FRMD4A: variants seen among roughly 807,000 people sequenced by gnomAD.
The protein encoded by FRMD4A is FERM domain containing 4A.
In FRMD4A, 29 loss-of-function variants were observed where a neutral mutation model predicts 129.1. That is an observed-to-expected ratio of 0.22 (90% CI 0.17 to 0.31). The LOEUF (loss-of-function observed/expected upper bound fraction) is 0.31, where lower values mean the gene tolerates loss of function less well. Among genes scored for constraint, FRMD4A ranks in the 10% least tolerant of loss-of-function variants. FRMD4A has a pLI of 1.00. For missense variants in FRMD4A, 1,272 were observed against 1,375.8 expected (o/e 0.92, Z 1.19); for synonymous variants, 634 against 571.6 (o/e 1.11, Z -1.56).
rs186269852 is a variant in FRMD4A at position 13,753,845 on chromosome 10, G to A, written c.465-6026C>T. ...TAGGCGTGAGCCACAGTGTCTGGCA[G>A]TGCCTTTATTTCTGTTGCTAATTGT... On this transcript the variant is annotated intron_variant, in intron 8 of 24. Transcript: ENST00000357447. Among the ~76,000 whole-genome samples, 268 of 152,206 alleles carry A rather than the reference G, an allele frequency of 1.8e-3. 1 individual carries two copies. Among genetic ancestry groups the A allele is most frequent in the African/African-American group, 5.6e-3 (232 of 41,544 alleles).
intron 6 of FRMD4A, among the ~76,000 whole-genome samples, chr10:13,773,457 C>A (rs564488809): frequency 1.3e-5 from 2 of 152,320 alleles, no homozygotes; most frequent in South Asian, 2.1e-4. Context: ...AATCAAGGAA[C>A]TATCAAAGTA....
intron 12 of FRMD4A, among the ~76,000 whole-genome samples, chr10:13,708,978 T>G (rs76234084): frequency 6.6e-6 from 1 of 152,252 alleles, no homozygotes; most frequent in South Asian, 2.1e-4. Context: ...ACTTTTTTTT[T>G]CTGAGACAGA....
In FRMD4A at chr10:13,719,218, C is replaced by CAGTT. The variant is rs2089173827; in HGVS notation, c.760-12109_760-12106dup. Among the ~76,000 whole-genome samples, 4 of 152,218 alleles carry CAGTT rather than the reference C, an allele frequency of 2.6e-5. No individual in the cohort carries two copies. The South Asian group carries it at 8.3e-4, about 32-fold the overall frequency. On this transcript the variant is annotated intron_variant, in intron 12 of 24. Coordinates refer to ENST00000357447, the MANE Select transcript of FRMD4A (RefSeq NM_018027.5). ...AAGGGATGCGATAATAGGGAAATGG[C>CAGTT]AGTTAGAGTCAGCTCAAGGAGGGAC...
chr10:13,773,339 G>A (rs757281402), intron 6 of FRMD4A, among the ~76,000 whole-genome samples: 9 of 152,114 alleles, frequency 5.9e-5, no homozygotes, highest in South Asian at 2.1e-4. Flanking sequence ...CTTGCAAACC[G>A]GTACTGCCAA....
At chr10:14,065,404 C>T (rs1835008781) in intron 2 of FRMD4A, among the ~76,000 whole-genome samples, 2 of 152,164 alleles carry the variant, frequency 1.3e-5, no homozygotes, top group South Asian at 4.1e-4. Flanking sequence ...AGGCTGGTTT[C>T]AAACTCCTGA....
Position 14,181,633 on chromosome 10 carries a change from C to T in FRMD4A, c.45+148425G>A, listed in dbSNP as rs550220261. Among the ~76,000 whole-genome samples the T allele has an allele frequency of 1.7e-4, 26 of 152,250 alleles. No individual in the cohort carries two copies. In the East Asian group the frequency reaches 4.6e-3, roughly 27 times the overall value. On this transcript the variant is annotated intron_variant, in intron 2 of 24. Coordinates refer to ENST00000357447, the MANE Select transcript of FRMD4A (RefSeq NM_018027.5). ...TAATTTTTGACAAATAAAAATTGCA[C>T]ATATTTCTGGTATAAAACACTATGT...
At chr10:13,940,676 T>C (rs2095284608) in intron 2 of FRMD4A, among the ~76,000 whole-genome samples, 1 of 152,144 alleles carries the variant, frequency 6.6e-6, no homozygotes, top group Non-Finnish European at 1.5e-5. Context: ...GATTGAGGAA[T>C]TGAGGCTGAC....
chr10:14,009,746 A>G (rs988030024), intron 2 of FRMD4A, among the ~76,000 whole-genome samples: 40 of 152,338 alleles, frequency 2.6e-4, no homozygotes, highest in African/African-American at 8.4e-4. Context: ...CAAATATACA[A>G]CAATTGGGCT....
At chr10:13,754,810 G>T (rs1336394242) in intron 8 of FRMD4A, among the ~76,000 whole-genome samples, 1 of 151,988 alleles carries the variant, frequency 6.6e-6, no homozygotes, top group Non-Finnish European at 1.5e-5. Context: ...AACTATTTCA[G>T]ACATAACTGA....
intron 3 of FRMD4A, among the ~76,000 whole-genome samples, chr10:13,823,983 C>T (rs1050658587): frequency 5.3e-5 from 8 of 152,142 alleles, no homozygotes; most frequent in African/African-American, 1.9e-4. Context: ...AAGACTGTGT[C>T]TCTATTGCCA....
At chr10:13,746,144 G>A (rs2091278536) in intron 9 of FRMD4A, among the ~76,000 whole-genome samples, 1 of 152,144 alleles carries the variant, frequency 6.6e-6, no homozygotes, top group African/African-American at 2.4e-5. Context: ...TCCCAGCCTC[G>A]GGTCTTGGGG....
chr10:13,910,454 G>A (rs1373398141), intron 2 of FRMD4A, among the ~76,000 whole-genome samples: 1 of 152,124 alleles, frequency 6.6e-6, no homozygotes, highest in Admixed American at 6.5e-5. Context: ...GCTGAGCCCC[G>A]CCTGGATTAC....
chr10:14,242,944 A>G (rs1043264941), intron 2 of FRMD4A, among the ~76,000 whole-genome samples: 1 of 152,228 alleles, frequency 6.6e-6, no homozygotes, highest in Non-Finnish European at 1.5e-5. Flanking sequence ...CACCATGCTC[A>G]TGGAAGCATT....
intron 2 of FRMD4A, among the ~76,000 whole-genome samples, chr10:14,283,073 T>C (rs1024768428): frequency 1.3e-5 from 2 of 152,242 alleles, no homozygotes; most frequent in African/African-American, 4.8e-5. Context: ...GAGGTCAGTG[T>C]CTCTTATGAG....
intron 2 of FRMD4A, among the ~76,000 whole-genome samples, chr10:13,928,255 C>G (rs759022204): frequency 3.2e-4 from 49 of 152,044 alleles, no homozygotes; most frequent in Non-Finnish European, 6.3e-4. Context: ...CTCCCGGGCT[C>G]AAGCAATCCG....
intron 2 of FRMD4A, among the ~76,000 whole-genome samples, chr10:14,205,155 G>GA (rs1375910243): frequency 3.3e-5 from 5 of 150,502 alleles, no homozygotes; most frequent in South Asian, 2.1e-4. Flanking sequence ...TTAGCCATAG[G>GA]AAAAAAAATT....
At chr10:13,952,519 CA>C (rs1393981073) in intron 2 of FRMD4A, among the ~76,000 whole-genome samples, 1 of 151,654 alleles carries the variant, frequency 6.6e-6, no homozygotes, top group Non-Finnish European at 1.5e-5. Flanking sequence ...AAAACAACAA[CA>C]AAAAAAGAAG....
At chr10:14,260,240 G>A (rs756194282) in intron 2 of FRMD4A, among the ~76,000 whole-genome samples, 5 of 152,106 alleles carry the variant, frequency 3.3e-5, no homozygotes, top group Non-Finnish European at 7.4e-5. Context: ...CTTTTGTACT[G>A]CACGGACTCT....
chr10:13,974,368 G>T (rs2095533377), intron 2 of FRMD4A, among the ~76,000 whole-genome samples: 1 of 152,088 alleles, frequency 6.6e-6, no homozygotes, highest in African/African-American at 2.4e-5. Context: ...AGTGGGGCTT[G>T]CTCTGGAGTC....
Sources: allele counts gnomAD v4.1 joint callset (sites outside exome capture counted in the v4.1 genomes callset), GRCh38; gene constraint gnomAD v4.1.1; transcripts MANE v1.5; gene names NCBI Gene and HGNC (gene_info 2026-07-23, HGNC 2026-07-21).